The following PTPRO variants were observed in gnomAD, a reference collection of about 807,000 sequenced individuals.
PTPRO encodes protein tyrosine phosphatase receptor type O.
PTPRO carries 62 observed loss-of-function variants against 145.2 expected under a neutral mutation model. That is an observed-to-expected ratio of 0.43 (90% CI 0.35 to 0.53). PTPRO has a LOEUF of 0.53. PTPRO is among the 20% of genes least tolerant of loss of function. The pLI, the probability that PTPRO is intolerant of heterozygous loss-of-function variation, is 0.01. For missense variants in PTPRO, 1,345 were observed against 1,482.7 expected (o/e 0.91, Z 1.53); for synonymous variants, 565 against 514.7 (o/e 1.10, Z -1.32).
rs1565563358 is a variant in PTPRO, at chr12:15,322,714, C to G, written c.-13C>G. On this transcript the variant is annotated 5_prime_UTR_variant, in exon 1 of 27. Transcript: ENST00000281171. The surrounding 1 kb of genome is among the most constrained non-coding windows in gnomAD (Gnocchi z 6.3). ...TAGCGCAGCCGTGCCCCCGAGTCCC[C>G]GTCCGCGCAGCGATGGGGCACCTGC... is the stretch of plus-strand genomic sequence containing the variant. The G allele has an allele frequency of 3.7e-6, 6 of 1,608,818 alleles. No individual in the cohort carries two copies. The highest frequency in any genetic ancestry group is 5.1e-6 in the Non-Finnish European group (6 of 1,177,818).
At chr12:15,464,604 C>A (rs1336888157) in intron 1 of PTPRO, among the ~76,000 whole-genome samples, 4 of 151,720 alleles carry the variant, frequency 2.6e-5, no homozygotes, top group African/African-American at 7.3e-5. Context: ...AGTGATCTGC[C>A]CACCTTGGCC....
chr12:15,369,652 A>G (rs1037016908), intron 1 of PTPRO, among the ~76,000 whole-genome samples: 4 of 152,198 alleles, frequency 2.6e-5, no homozygotes, highest in African/African-American at 9.7e-5. Flanking sequence ...TGGAACTAAA[A>G]ATGATTTTCA....
At position 15,515,649 on chromosome 12, in the gene PTPRO, A is replaced by C. The variant is rs772340649; in HGVS notation, c.1585+31A>C. The C allele has an allele frequency of 3.1e-6, 5 of 1,613,492 alleles. No homozygotes were observed. The Admixed American group carries it at 8.3e-5, about 27-fold the overall frequency. On this transcript the variant is annotated intron_variant, in intron 8 of 26. Coordinates refer to ENST00000281171, the MANE Select transcript of PTPRO (RefSeq NM_030667.3). Reference sequence around the variant, plus strand: ...TTGCTAGCCACAAGAAGAATGACTGACCTATATATTAGGGTATTGACGGAG... The same window carrying C: ...TTGCTAGCCACAAGAAGAATGACTGCCCTATATATTAGGGTATTGACGGAG...
intron 12 of PTPRO, among the ~76,000 whole-genome samples, chr12:15,536,879 C>G (rs1043505916): frequency 6.6e-6 from 1 of 152,296 alleles, no homozygotes; most frequent in East Asian, 1.9e-4. Flanking sequence ...AACACTGAGT[C>G]TGTCCAGATA....
At chr12:15,421,491 T>C (rs564155344) in intron 1 of PTPRO, among the ~76,000 whole-genome samples, 78 of 152,306 alleles carry the variant, frequency 5.1e-4, no homozygotes, top group African/African-American at 1.8e-3. Flanking sequence ...ATAGTACAAC[T>C]AGTGCCTGAA....
intron 25 of PTPRO, among the ~76,000 whole-genome samples, chr12:15,594,699 T>C (rs1944622164): frequency 6.6e-6 from 1 of 152,110 alleles, no homozygotes. Context: ...GCAATAAAGT[T>C]AGGGGAAAAA....
intron 1 of PTPRO, among the ~76,000 whole-genome samples, chr12:15,357,380 T>C (rs946674209): frequency 2.0e-5 from 3 of 152,252 alleles, no homozygotes; most frequent in African/African-American, 7.2e-5. Flanking sequence ...CATTTCAGTA[T>C]GCTGAATGGT....
At chr12:15,486,851 A>G (rs1479393183) in intron 2 of PTPRO, among the ~76,000 whole-genome samples, 2 of 151,746 alleles carry the variant, frequency 1.3e-5, no homozygotes, top group South Asian at 2.1e-4. Context: ...ATAATATAAT[A>G]CAATTATTTC....
intron 1 of PTPRO, among the ~76,000 whole-genome samples, chr12:15,366,518 C>T (rs1938366817): frequency 6.6e-6 from 1 of 152,076 alleles, no homozygotes; most frequent in African/African-American, 2.4e-5. Context: ...TGCATACCAA[C>T]ATTTAGTAAA....
intron 1 of PTPRO, among the ~76,000 whole-genome samples, chr12:15,446,182 T>A (rs1373849109): frequency 6.6e-6 from 1 of 152,110 alleles, no homozygotes; most frequent in Non-Finnish European, 1.5e-5. Context: ...CTCAAGCCTT[T>A]TCCTTAAATG....
At chr12:15,488,197 G>T (rs935754598) in intron 2 of PTPRO, among the ~76,000 whole-genome samples, 8 of 152,140 alleles carry the variant, frequency 5.3e-5, no homozygotes, top group Admixed American at 1.3e-4. Flanking sequence ...GAGAAAACAC[G>T]TATTGATTTC....
intron 1 of PTPRO, chr12:15,410,394 T>TA (rs1429689372): frequency 6.6e-6 from 1 of 152,206 alleles, no homozygotes; most frequent in Admixed American, 6.5e-5. Flanking sequence ...AGGGCTCGAA[T>TA]AGAGCAAAAA....
In PTPRO at chr12:15,515,987, G is replaced by GTTTTTTTTTTTTTTTTTTTTTTTTTTT. The variant is rs1387922121; in HGVS notation, c.1585+373_1585+374insTTTTTTTTTTTTTTTTTTTTTTTTTTT. Among the ~76,000 whole-genome samples, 2 of 80,662 alleles carry GTTTTTTTTTTTTTTTTTTTTTTTTTTT rather than the reference G, an allele frequency of 2.5e-5. 1 individual carries two copies. The highest frequency in any genetic ancestry group is 4.7e-5 in the Non-Finnish European group (2 of 42,438). 52.9% of individuals were successfully genotyped at this position (80,662 alleles called of 152,430 possible). ...GTTTTGTTTGTCTGGTTTTTTTTTT[G>GTTTTTTTTTTTTTTTTTTTTTTTTTTT]TTTTGTTTTTTTTTTTTTTTGGAGA... On this transcript the variant is annotated intron_variant, in intron 8 of 26. Transcript: ENST00000281171.
At position 15,513,181 on chromosome 12, in the gene PTPRO, GAAAGAAAGAAAGAAAGAAAGAAAGAA is replaced by G. The variant is rs1565675800; in HGVS notation, c.1465-2315_1465-2290del. Among the ~76,000 whole-genome samples, 113 of 87,928 alleles carry G rather than the reference GAAAGAAAGAAAGAAAGAAAGAAAGAA, an allele frequency of 1.3e-3. 3 individuals are homozygous for G. Among genetic ancestry groups the G allele is most frequent in the African/African-American group, 2.9e-3 (56 of 19,440 alleles). 57.7% of individuals were successfully genotyped at this position (87,928 alleles called of 152,430 possible). On this transcript the variant is annotated intron_variant, in intron 7 of 26. Coordinates refer to ENST00000281171, the MANE Select transcript of PTPRO (RefSeq NM_030667.3). ...AAAAAGAAAGAAAGAAAGAAAGAAAGAAAGAAAGAAAGAAAGAAAGAAAGAAAGAAAGAAAGAAAGAAAGAAAAGAA... is the reference window on the plus strand; with the variant it reads ...AAAAAGAAAGAAAGAAAGAAAGAAAGAGAAAGAAAGAAAGAAAGAAAAGAA...
chr12:15,331,150 A>C (rs908151930), intron 1 of PTPRO, among the ~76,000 whole-genome samples: 28 of 152,112 alleles, frequency 1.8e-4, no homozygotes, highest in African/African-American at 6.8e-4. Context: ...TTGAAGGCAC[A>C]GCCAGAGAGG....
chr12:15,579,076 C>T, intron 20 of PTPRO, 133 bp downstream of exon 20: 1 of 736,154 alleles, frequency 1.4e-6, no homozygotes, highest in Non-Finnish European at 2.4e-6. Context: ...TCTGAGATTG[C>T]ATTGATCTCA....
At position 15,421,463 on chromosome 12, in the gene PTPRO, G is replaced by C. The variant is rs79686593; in HGVS notation, c.76-62511G>C. Among the ~76,000 whole-genome samples the C allele has an allele frequency of 6.6e-3, 1,006 of 152,274 alleles. 22 individuals are homozygous for C. In the East Asian group the frequency reaches 0.077, roughly 12 times the overall value. ...TAACAAAATAAGACATTAAACAAATGTTGACCTTAGAATAGGCATAGTACA... is the reference window on the plus strand; with the variant it reads ...TAACAAAATAAGACATTAAACAAATCTTGACCTTAGAATAGGCATAGTACA... On this transcript the variant is annotated intron_variant, in intron 1 of 26. Transcript: ENST00000281171.
rs33973759 is a variant in PTPRO at position 15,536,053 on chromosome 12, T to TTTA, written c.2164+9791_2164+9792insTTA. Among the ~76,000 whole-genome samples, 102 of 152,168 alleles carry TTTA rather than the reference T, an allele frequency of 6.7e-4. 2 individuals are homozygous for TTTA. In the South Asian group the frequency reaches 0.013, roughly 19 times the overall value. On this transcript the variant is annotated intron_variant, in intron 12 of 26. Transcript: ENST00000281171. The stretch of plus-strand genomic sequence containing the variant: ...AAATGCTTAAGGTCTTATACTTTTT[T>TTTA]AAAAAATTATTCATCCTGTGAATCA...
intron 1 of PTPRO, among the ~76,000 whole-genome samples, chr12:15,382,812 TAA>T (rs1321200271): frequency 2.6e-5 from 4 of 152,224 alleles, no homozygotes; most frequent in African/African-American, 4.8e-5. Context: ...GCTTTTATTA[TAA>T]GTCTTTTTAG....
Sources: allele counts gnomAD v4.1 joint callset (sites outside exome capture counted in the v4.1 genomes callset), GRCh38; gene constraint gnomAD v4.1.1; non-coding constraint Gnocchi (gnomAD v3.1); transcripts MANE v1.5; gene names NCBI Gene and HGNC (gene_info 2026-07-23, HGNC 2026-07-21).